The following DENND2C variants were observed in gnomAD, a reference collection of about 807,000 sequenced individuals.
DENND2C encodes the protein DENN domain containing 2C.
Under a neutral mutation model 112.4 loss-of-function variants are expected in DENND2C, and 72 were observed. That is an observed-to-expected ratio of 0.64 (90% CI 0.53 to 0.78). DENND2C has a LOEUF of 0.78. DENND2C is among the 30% of genes least tolerant of loss of function. The pLI, the probability that DENND2C is intolerant of heterozygous loss-of-function variation, is 0.00. For synonymous variants in DENND2C, 329 were observed against 381.6 expected (o/e 0.86, Z 1.61); for missense variants, 992 against 1,113.8 (o/e 0.89, Z 1.56).
intron 3 of DENND2C, among the ~76,000 whole-genome samples, chr1:114,635,328 T>C (rs1406810451): frequency 6.6e-6 from 1 of 151,756 alleles, no homozygotes; most frequent in East Asian, 1.9e-4. Context: ...TGGAGGAAAA[T>C]AAAAAATGAG....
intron 7 of DENND2C, among the ~76,000 whole-genome samples, chr1:114,620,440 G>A (rs4839388): frequency 2.0e-5 from 3 of 152,124 alleles, no homozygotes; most frequent in Admixed American, 1.3e-4. Context: ...GCAAGAAATC[G>A]AAAGCACTAT....
chr1:114,667,680 T>C (rs535425490), intron 1 of DENND2C, among the ~76,000 whole-genome samples: 2 of 152,302 alleles, frequency 1.3e-5, no homozygotes, highest in East Asian at 3.9e-4. Context: ...TTTGAAATAG[T>C]TTTTTATAGA....
At chr1:114,606,182 G>A (rs889489633) in intron 10 of DENND2C, among the ~76,000 whole-genome samples, 2 of 151,886 alleles carry the variant, frequency 1.3e-5, no homozygotes, top group African/African-American at 4.8e-5. Context: ...CAACTAGCTG[G>A]GATTACAATT....
chr1:114,647,868 C>T lies in DENND2C; in HGVS notation c.-316-2309G>A, dbSNP rs568545219. ...TGTCACCAGGGCTAGAATGCAATGG[C>T]GCCATCTTGGCTCACTGCAAACTCT... On this transcript the variant is annotated intron_variant, in intron 2 of 20. Transcript: ENST00000393274. Among the ~76,000 whole-genome samples, 6 of 152,024 alleles carry T rather than the reference C, an allele frequency of 3.9e-5. No individual in the cohort carries two copies. In the South Asian group the frequency reaches 8.3e-4, roughly 21 times the overall value.
At chr1:114,585,740 G>C (rs1432819732) in intron 20 of DENND2C, 109 bp from the exon 21 acceptor site, 1 of 1,115,682 alleles carries the variant, frequency 9.0e-7, no homozygotes, top group African/African-American at 1.6e-5. Flanking sequence ...CAAGAGTTAA[G>C]CTGACATCTC....
At chr1:114,606,854 G>C (rs1655670350) in intron 10 of DENND2C, among the ~76,000 whole-genome samples, 1 of 152,144 alleles carries the variant, frequency 6.6e-6, no homozygotes, top group Non-Finnish European at 1.5e-5. Context: ...TCTGTGTTTC[G>C]ACTAGGGGTT....
In DENND2C at chr1:114,621,998, C is replaced by A. The variant is rs767268902; in HGVS notation, c.1124G>T (p.Arg375Leu). ...MEVKNSQAYL[R>L]SKLTKDTTLP... ...AGTTGTATCTTTTGTAAGCTTTGAC[C>A]GCAAATAAGCCTGTGAGTTCTTTAC... The change falls in exon 7 of 21, where the codon CGG becomes CTG. Residue 375 changes from arginine to leucine, a missense_variant. Arg to Leu is a moderately radical substitution (Grantham distance 102). This residue lies in a region of DENND2C where 470 missense variants were observed against 472.7 expected (regional missense o/e 0.99). Transcript: ENST00000393274. The A allele has an allele frequency of 6.4e-7, 1 of 1,550,766 alleles. No homozygotes were observed.
chr1:114,642,054 TG>T (rs1032944185), intron 3 of DENND2C, among the ~76,000 whole-genome samples: 2 of 152,066 alleles, frequency 1.3e-5, no homozygotes, highest in Admixed American at 1.3e-4. Context: ...CCGGTTCAAG[TG>T]GTTCTCCTAC....
intron 11 of DENND2C, 62 bp from the exon 12 acceptor site, chr1:114,602,256 A>C: frequency 6.4e-7 from 1 of 1,560,342 alleles, no homozygotes; most frequent in Non-Finnish European, 8.8e-7. Flanking sequence ...TTCTCCATGG[A>C]ACAAACAATT....
At chr1:114,589,190 CT>C (rs1400601508) in intron 18 of DENND2C, among the ~76,000 whole-genome samples, 1 of 152,178 alleles carries the variant, frequency 6.6e-6, no homozygotes, top group Non-Finnish European at 1.5e-5. Context: ...TACACTCCCT[CT>C]TTTTCTTCCA....
At chr1:114,627,762 C>A (rs1210407337) in intron 3 of DENND2C, among the ~76,000 whole-genome samples, 1 of 152,028 alleles carries the variant, frequency 6.6e-6, no homozygotes, top group African/African-American at 2.4e-5. Flanking sequence ...ACTGAAAATT[C>A]TTTTCTTGCT....
In DENND2C at chr1:114,594,637, C is replaced by T. The variant is rs972351793; in HGVS notation, c.2326-59G>A. On this transcript the variant is annotated intron_variant, in intron 17 of 20. Transcript: ENST00000393274. ...GTTTGAGATTTGAGGGATTAAGTCT[C>T]AAATATGCCCTAGTTATTTCTCCAA... is the stretch of plus-strand genomic sequence containing the variant. 2.9e-6 allele frequency: 4 copies of T among 1,391,802 alleles called. No homozygotes were observed. In the African/African-American group the frequency reaches 5.7e-5, roughly 20 times the overall value. 86.2% of individuals were successfully genotyped at this position (1,391,802 alleles called of 1,614,324 possible). A position where few individuals can be genotyped will look rare whatever the true frequency, so the allele number is the denominator to read the frequency against.
chr1:114,613,284 G>A (rs1023659278), intron 8 of DENND2C, among the ~76,000 whole-genome samples: 1 of 152,212 alleles, frequency 6.6e-6, no homozygotes, highest in Non-Finnish European at 1.5e-5. Context: ...TCTGAATAGT[G>A]TAAGAGTATT....
chr1:114,625,938 CT>C lies in DENND2C; in HGVS notation c.46del (p.Ser16AlafsTer33). The C allele has an allele frequency of 6.2e-7, 1 of 1,614,018 alleles. No homozygotes were observed. Among genetic ancestry groups the C allele is most frequent in the Non-Finnish European group, 8.5e-7 (1 of 1,179,988 alleles). ...SRTTVQTLSRSHCKNIKQKIS... is the reference protein window; with the variant it reads ...SRTTVQTLSRXHCKNIKQKIS... ...TTTTTGTTTGATGTTTTTGCAGTGG[CT>C]TCTTGACAGTGTCTGAACAGTAGTA... On this transcript the variant is annotated frameshift_variant, in exon 4 of 21. Coordinates refer to ENST00000393274, the MANE Select transcript of DENND2C (RefSeq NM_001256404.2). LOFTEE classifies it high-confidence loss of function.
chr1:114,645,920 C>T (rs1294569856), intron 2 of DENND2C, among the ~76,000 whole-genome samples: 2 of 151,668 alleles, frequency 1.3e-5, no homozygotes, highest in African/African-American at 4.8e-5. Flanking sequence ...TTTAGAAAAA[C>T]AATTTCTCAT....
rs374106138 is a variant in DENND2C at position 114,605,778 on chromosome 1, G to A, written c.1558-747C>T. ...CTTGTACTCGAGCCTGGGTGACAGA[G>A]AGAAACCTGTCTCAAAAAAAGAAAA... is the stretch of plus-strand genomic sequence containing the variant. On this transcript the variant is annotated intron_variant, in intron 10 of 20. Coordinates refer to ENST00000393274, the MANE Select transcript of DENND2C (RefSeq NM_001256404.2). Among the ~76,000 whole-genome samples the A allele has an allele frequency of 1.3e-3, 193 of 152,284 alleles. 1 individual carries two copies. Among genetic ancestry groups the A allele is most frequent in the African/African-American group, 4.3e-3 (178 of 41,554 alleles).
At chr1:114,603,841 T>C (rs952188012) in intron 11 of DENND2C, among the ~76,000 whole-genome samples, 1 of 152,126 alleles carries the variant, frequency 6.6e-6, no homozygotes, top group African/African-American at 2.4e-5. Flanking sequence ...CTGGCCTAAA[T>C]CCAAACTTGA....
chr1:114,596,551 T>C (rs763883616), intron 16 of DENND2C, among the ~76,000 whole-genome samples: 8 of 152,300 alleles, frequency 5.3e-5, no homozygotes, highest in Admixed American at 6.5e-5. Context: ...TATGCCCTTA[T>C]GTTATAGAGA....
At chr1:114,655,738 C>A (rs1657287501) in intron 1 of DENND2C, among the ~76,000 whole-genome samples, 1 of 151,998 alleles carries the variant, frequency 6.6e-6, no homozygotes, top group South Asian at 2.1e-4. Context: ...CCCACCTCGG[C>A]CTCCCAAAGT....
Sources: gnomAD v4.1 joint callset for allele counts (sites outside exome capture counted in the v4.1 genomes callset) on GRCh38, gnomAD v4.1.1 for gene constraint, gnomAD v4.1.1 regional missense constraint, MANE v1.5 for transcripts, NCBI Gene and HGNC (gene_info 2026-07-23, HGNC 2026-07-21) for gene names.